Variants in RPA3 observed in about 807,000 individuals in gnomAD.
RPA3 encodes replication protein A 14 kDa subunit.
A neutral mutation model predicts 13.7 loss-of-function variants in RPA3; 24 were observed. That is an observed-to-expected ratio of 1.75 (90% CI 1.27 to 2.46). The LOEUF (loss-of-function observed/expected upper bound fraction) is 2.46. Among genes scored for constraint, RPA3 ranks in the 30% most tolerant of loss-of-function variants. The probability of loss-of-function intolerance (pLI) is 0.00; values close to 1 mark genes in which losing one functional copy is unlikely to be tolerated. For missense variants in RPA3, 183 were observed against 151.0 expected, an observed-to-expected ratio of 1.21 and a Z score of -1.11; for synonymous variants, 59 against 51.2, an observed-to-expected ratio of 1.15 and a Z score of -0.65.
At chr7:7,712,219 A>G (rs1442623775) in intron 2 of RPA3, among the ~76,000 whole-genome samples, 2 of 152,170 alleles carry the variant, frequency 1.3e-5, no homozygotes, top group Non-Finnish European at 2.9e-5. Flanking sequence ...ATAAAAAATG[A>G]ATAACAGATG....
At chr7:7,704,281 A>G (rs1405135296) in intron 2 of RPA3, among the ~76,000 whole-genome samples, 2 of 152,204 alleles carry the variant, frequency 1.3e-5, no homozygotes, top group Non-Finnish European at 2.9e-5. Flanking sequence ...AGAAACATTC[A>G]TGTAAATATG....
intron 4 of RPA3, among the ~76,000 whole-genome samples, chr7:7,680,101 C>T (rs967571495): frequency 6.6e-6 from 1 of 152,038 alleles, no homozygotes. Flanking sequence ...GGGTATTACT[C>T]AAGAAATCTT....
At chr7:7,690,295 C>A (rs542248067) in intron 2 of RPA3, among the ~76,000 whole-genome samples, 95 of 151,780 alleles carry the variant, frequency 6.3e-4, no homozygotes, top group Middle Eastern at 3.4e-3. Flanking sequence ...TTTTTTTAAG[C>A]ATGGAAGTTC....
chr7:7,712,884 G>A (rs1324892798), intron 2 of RPA3, among the ~76,000 whole-genome samples: 2 of 152,206 alleles, frequency 1.3e-5, no homozygotes, highest in Admixed American at 6.5e-5. Flanking sequence ...GTTAGAATTG[G>A]TATAAGATTT....
intron 2 of RPA3, among the ~76,000 whole-genome samples, chr7:7,687,562 T>G (rs1335666981): frequency 6.6e-6 from 1 of 152,206 alleles, no homozygotes. Flanking sequence ...ATATGATCAG[T>G]CCACCAGAAA....
At chr7:7,692,670 C>T (rs1004022620) in intron 2 of RPA3, among the ~76,000 whole-genome samples, 7 of 152,106 alleles carry the variant, frequency 4.6e-5, no homozygotes, top group Admixed American at 6.5e-5. Flanking sequence ...AGTGCAGTAG[C>T]GTGATCTCAG....
At position 7,689,696 on chromosome 7, in the gene RPA3, T is replaced by C. The variant is rs187070914; in HGVS notation, c.-1027-2368A>G. On this transcript the variant is annotated intron_variant, in intron 2 of 7. Coordinates refer to ENST00000223129, the MANE Select transcript of RPA3 (RefSeq NM_002947.5). ...TGTCTATATAGAAGACATTTATATT[T>C]ATGTCTTTCTAAACTCAAAACAATT... Among the ~76,000 whole-genome samples the C allele has an allele frequency of 3.4e-4, 52 of 152,340 alleles. 2 individuals carry two copies. The East Asian group carries it at 9.4e-3, about 28-fold the overall frequency.
chr7:7,672,389 T>C, intron 4 of RPA3, among the ~76,000 whole-genome samples: 1 of 152,134 alleles, frequency 6.6e-6, no homozygotes, highest in Non-Finnish European at 1.5e-5. Flanking sequence ...AGCATGTGTG[T>C]ATGAGGGATG....
At chr7:7,640,244 T>C in intron 5 of RPA3, 76 bp downstream of exon 5, 1 of 1,475,184 alleles carries the variant, frequency 6.8e-7, no homozygotes, top group African/African-American at 1.4e-5. Context: ...TCCGTCCTTT[T>C]TCATCCCCCG....
At chr7:7,684,367 A>G (rs1779987598) in intron 4 of RPA3, among the ~76,000 whole-genome samples, 1 of 151,012 alleles carries the variant, frequency 6.6e-6, no homozygotes, top group Non-Finnish European at 1.5e-5. Context: ...ATTCCCGGCT[A>G]ATTTTTTTTT....
At chr7:7,671,431 G>A (rs562192603) in intron 4 of RPA3, among the ~76,000 whole-genome samples, 1 of 152,230 alleles carries the variant, frequency 6.6e-6, no homozygotes, top group Non-Finnish European at 1.5e-5. Context: ...AGTCTACACT[G>A]AGGTTTTAAT....
At chr7:7,677,466 A>G (rs1779771062) in intron 4 of RPA3, among the ~76,000 whole-genome samples, 1 of 151,868 alleles carries the variant, frequency 6.6e-6, no homozygotes, top group Non-Finnish European at 1.5e-5. Context: ...GTTCAATTTG[A>G]AAAAAACTGA....
intron 1 of RPA3, among the ~76,000 whole-genome samples, chr7:7,717,345 C>T (rs966090874): frequency 6.6e-6 from 1 of 152,182 alleles, no homozygotes; most frequent in Non-Finnish European, 1.5e-5. Flanking sequence ...GCATAAGCCA[C>T]CTCGCCCAGC....
chr7:7,679,702 T>A (rs1039188171), intron 4 of RPA3, among the ~76,000 whole-genome samples: 2 of 132,254 alleles, frequency 1.5e-5, no homozygotes, highest in Non-Finnish European at 3.1e-5. Flanking sequence ...TATATTTAAT[T>A]TATAGATAAA....
rs1158448438 is a variant in RPA3, at chr7:7,636,742, T to C, written c.*258A>G. ...TACGTACCATTTTAGTTTTTATTAA[T>C]AAAATAGAAACTTAGACTCGGACAA... is the stretch of plus-strand genomic sequence containing the variant. On this transcript the variant is annotated 3_prime_UTR_variant, in exon 8 of 8. Transcript: ENST00000223129. 1 of 362,074 alleles carries C rather than the reference T, an allele frequency of 2.8e-6. No individual in the cohort carries two copies. The highest frequency in any genetic ancestry group is 2.1e-5 in the African/African-American group (1 of 46,754). The allele number at this position is 362,074 out of a possible 1,614,324, so 22.4% of individuals were successfully genotyped here. A position where few individuals can be genotyped will look rare whatever the true frequency, so the allele number is the denominator to read the frequency against.
At chr7:7,688,497 T>G (rs1780092088) in intron 2 of RPA3, among the ~76,000 whole-genome samples, 1 of 152,200 alleles carries the variant, frequency 6.6e-6, no homozygotes, top group African/African-American at 2.4e-5. Flanking sequence ...GCCCCGTGTT[T>G]CCTCATGCAG....
intron 4 of RPA3, among the ~76,000 whole-genome samples, chr7:7,678,736 T>A (rs1779827952): frequency 4.3e-5 from 2 of 46,678 alleles, no homozygotes; most frequent in Non-Finnish European, 8.1e-5. Flanking sequence ...TATATTTATA[T>A]ATTTAGTTTA....
At chr7:7,665,302 G>T (rs902239721) in intron 4 of RPA3, among the ~76,000 whole-genome samples, 1 of 152,124 alleles carries the variant, frequency 6.6e-6, no homozygotes, top group African/African-American at 2.4e-5. Context: ...AAGCAATTAG[G>T]CAGGCCCTTT....
chr7:7,717,547 T>C (rs937839792), intron 1 of RPA3, among the ~76,000 whole-genome samples: 1 of 152,238 alleles, frequency 6.6e-6, no homozygotes, highest in Non-Finnish European at 1.5e-5. Flanking sequence ...GGTATGCATG[T>C]ATTTTTTATG....
Sources: allele counts gnomAD v4.1 joint callset (sites outside exome capture counted in the v4.1 genomes callset), GRCh38; gene constraint gnomAD v4.1.1; transcripts MANE v1.5; gene names NCBI Gene and HGNC (gene_info 2026-07-23, HGNC 2026-07-21).